Variants in CUL5 observed in about 807,000 individuals in gnomAD.
CUL5 encodes the protein cullin 5.
CUL5 carries 26 observed loss-of-function variants against 108.8 expected under a neutral mutation model. The observed-to-expected ratio is 0.24, with a 90% confidence interval of 0.18 to 0.33. The LOEUF (loss-of-function observed/expected upper bound fraction) is 0.33, where lower values mean the gene tolerates loss of function less well. Among genes scored for constraint, CUL5 ranks in the 10% least tolerant of loss-of-function variants. The pLI, the probability that CUL5 is intolerant of heterozygous loss-of-function variation, is 1.00. For missense variants in CUL5, 524 were observed against 909.2 expected, an observed-to-expected ratio of 0.58 and a Z score of 5.45; for synonymous variants, 334 against 298.0, an observed-to-expected ratio of 1.12 and a Z score of -1.25.
chr11:108,054,542 T>C (rs1246081410), intron 5 of CUL5, 105 bp from the exon 6 acceptor site: 2 of 733,266 alleles, frequency 2.7e-6, no homozygotes, highest in Non-Finnish European at 4.4e-6. Flanking sequence ...CTCTTGAGCA[T>C]TGTTACCTTG....
chr11:108,056,179 G>A (rs1313796021), intron 7 of CUL5, among the ~76,000 whole-genome samples: 1 of 152,216 alleles, frequency 6.6e-6, no homozygotes, highest in Non-Finnish European at 1.5e-5. Flanking sequence ...TATAAGGAAA[G>A]TTAGAATCTA....
Position 108,039,250 on chromosome 11 carries a change from C to T in CUL5, c.134+5339C>T, listed in dbSNP as rs1862826546. On this transcript the variant is annotated intron_variant, in intron 2 of 18. Coordinates refer to ENST00000393094, the MANE Select transcript of CUL5 (RefSeq NM_003478.6). ...GATCAGACTGGTCTTGAACTGCTGA[C>T]CTCAGGTGATCCACTCACCTTGGCC... Among the ~76,000 whole-genome samples, 4 of 152,074 alleles carry T rather than the reference C, an allele frequency of 2.6e-5. No homozygotes were observed. The South Asian group carries it at 8.3e-4, about 32-fold the overall frequency.
rs779672355 is a variant in CUL5, at chr11:108,095,005, T to G, written c.1743+18T>G. On this transcript the variant is annotated intron_variant, in intron 15 of 18. Coordinates refer to ENST00000393094, the MANE Select transcript of CUL5 (RefSeq NM_003478.6). ...ATGGAATTGTAAGTAGATAGTGTGTTAGTTATTTCAGCTTTCAGTTTGGAT... is the reference window on the plus strand; with the variant it reads ...ATGGAATTGTAAGTAGATAGTGTGTGAGTTATTTCAGCTTTCAGTTTGGAT... 6.3e-7 allele frequency: 1 copy of G among 1,580,582 alleles called. No individual in the cohort carries two copies. The highest frequency in any genetic ancestry group is 2.3e-5 in the East Asian group (1 of 44,188).
intron 1 of CUL5, among the ~76,000 whole-genome samples, chr11:108,013,790 C>T (rs937141111): frequency 1.3e-5 from 2 of 151,968 alleles, no homozygotes; most frequent in Non-Finnish European, 2.9e-5. Flanking sequence ...CTATAGAGGC[C>T]GGGCATGGTG....
rs1591343547 is a variant in CUL5, at chr11:108,107,559, T to C, written c.*3175T>C. 6.6e-6 allele frequency: 1 copy of C among 152,662 alleles called. No individual in the cohort carries two copies. The highest frequency in any genetic ancestry group is 1.9e-4 in the East Asian group (1 of 5,206). The allele number at this position is 152,662 out of a possible 1,614,324, so 9.5% of individuals were successfully genotyped here. ...TGTTGAACAAATTTATTTTAGTTTC[T>C]AAGTTGTAATCTATCCTCATATGGT... is the stretch of plus-strand genomic sequence containing the variant. On this transcript the variant is annotated 3_prime_UTR_variant, in exon 19 of 19. Transcript: ENST00000393094.
Position 108,087,446 on chromosome 11 carries a change from A to C in CUL5, c.1179-1081A>C, listed in dbSNP as rs571296591. ...CTTCAATTTAAATTTATTTACATAT[A>C]TTTTTAGAGAAGTAGGATTAAAAAA... is the stretch of plus-strand genomic sequence containing the variant. On this transcript the variant is annotated intron_variant, in intron 11 of 18. Coordinates refer to ENST00000393094, the MANE Select transcript of CUL5 (RefSeq NM_003478.6). Among the ~76,000 whole-genome samples the C allele has an allele frequency of 2.0e-5, 3 of 152,326 alleles. No homozygotes were observed. The East Asian group carries it at 5.8e-4, about 29-fold the overall frequency.
In CUL5 at chr11:108,104,882, A is replaced by C. The variant is rs1247309555; in HGVS notation, c.*498A>C. On this transcript the variant is annotated 3_prime_UTR_variant, in exon 19 of 19. Coordinates refer to ENST00000393094, the MANE Select transcript of CUL5 (RefSeq NM_003478.6). ...AAAAGAGTGAGCTGGTCAATGCAAC[A>C]TTGGGAAACGGCAGATGTAGGTGAG... 6.5e-6 allele frequency: 1 copy of C among 152,672 alleles called. No homozygotes were observed. Among genetic ancestry groups the C allele is most frequent in the East Asian group, 1.9e-4 (1 of 5,210 alleles). 9.5% of individuals were successfully genotyped at this position (152,672 alleles called of 1,614,324 possible).
intron 10 of CUL5, among the ~76,000 whole-genome samples, chr11:108,076,202 T>A (rs1308898189): frequency 6.6e-6 from 1 of 151,984 alleles, no homozygotes; most frequent in Non-Finnish European, 1.5e-5. Flanking sequence ...TTGGCTAATT[T>A]GTAATTTTTT....
intron 1 of CUL5, among the ~76,000 whole-genome samples, chr11:108,031,669 C>T (rs1862586584): frequency 6.6e-6 from 1 of 152,128 alleles, no homozygotes; most frequent in Non-Finnish European, 1.5e-5. Flanking sequence ...ATATCAGTAC[C>T]ATGATGTTTT....
At chr11:108,012,049 A>C (rs1862069114) in intron 1 of CUL5, among the ~76,000 whole-genome samples, 1 of 152,222 alleles carries the variant, frequency 6.6e-6, no homozygotes, top group South Asian at 2.1e-4. Context: ...ACATTTTGAC[A>C]TATACAGTTA....
At chr11:108,045,597 T>C (rs1863045823) in intron 2 of CUL5, among the ~76,000 whole-genome samples, 1 of 151,984 alleles carries the variant, frequency 6.6e-6, no homozygotes, top group African/African-American at 2.4e-5. Context: ...GCATGGTGGC[T>C]AACACTTTTA....
intron 4 of CUL5, among the ~76,000 whole-genome samples, chr11:108,051,961 C>G (rs1863237252): frequency 1.3e-5 from 2 of 152,042 alleles, no homozygotes; most frequent in African/African-American, 4.8e-5. Flanking sequence ...AACACTTGTT[C>G]TTTATTTACT....
At chr11:108,086,011 T>A (rs1210398932) in intron 11 of CUL5, among the ~76,000 whole-genome samples, 1 of 152,202 alleles carries the variant, frequency 6.6e-6, no homozygotes, top group Non-Finnish European at 1.5e-5. Flanking sequence ...AATGAAGATA[T>A]AATACATATT....
chr11:108,042,764 C>A (rs541890156), intron 2 of CUL5, among the ~76,000 whole-genome samples: 2 of 150,576 alleles, frequency 1.3e-5, no homozygotes, highest in Admixed American at 6.6e-5. Flanking sequence ...CTATCAGTTT[C>A]TTTTTTTTTC....
In CUL5 at chr11:108,033,849, G is replaced by C. The variant is rs373067331; in HGVS notation, c.72G>C (p.Pro24=). 1 of 1,612,778 alleles carries C rather than the reference G, an allele frequency of 6.2e-7. No homozygotes were observed. Among genetic ancestry groups the C allele is most frequent in the Admixed American group, 1.7e-5 (1 of 59,862 alleles). The change falls in exon 2 of 19, where the codon CCG becomes CCC. Residue 24 remains proline (P), a synonymous_variant. Coordinates refer to ENST00000393094, the MANE Select transcript of CUL5 (RefSeq NM_003478.6). ...AAGACAAATGGGATTTTATGCGCCC[G>C]ATTGTTTTGAAGCTTTTACGCCAGG... ...QFEDKWDFMR[P]IVLKLLRQES...
At chr11:108,093,881 T>C (rs1033318328) in intron 13 of CUL5, among the ~76,000 whole-genome samples, 3 of 152,182 alleles carry the variant, frequency 2.0e-5, no homozygotes, top group African/African-American at 7.2e-5. Context: ...TAAAATTTTT[T>C]TGTAGTGATG....
At chr11:108,094,739 A>T in intron 14 of CUL5, 73 bp from the exon 15 acceptor site, 1 of 1,226,730 alleles carries the variant, frequency 8.2e-7, no homozygotes, top group Non-Finnish European at 1.1e-6. Context: ...TTTTCACCCA[A>T]AGTTACCCTG....
At chr11:108,075,814 CT>C (rs1348129566) in intron 10 of CUL5, among the ~76,000 whole-genome samples, 9 of 152,196 alleles carry the variant, frequency 5.9e-5, no homozygotes, top group Non-Finnish European at 5.9e-5. Context: ...GCCACCACCC[CT>C]GGCCCCCTTT....
Position 108,105,852 on chromosome 11 carries a change from G to C in CUL5, c.*1468G>C, listed in dbSNP as rs188854772. Reference sequence around the variant, plus strand: ...GATAGTAGGAAATGGAGTACAGAAAGGCATACAGTATTATGTTACAGTGGA... The same window carrying C: ...GATAGTAGGAAATGGAGTACAGAAACGCATACAGTATTATGTTACAGTGGA... On this transcript the variant is annotated 3_prime_UTR_variant, in exon 19 of 19. Coordinates refer to ENST00000393094, the MANE Select transcript of CUL5 (RefSeq NM_003478.6). The C allele has an allele frequency of 5.5e-4, 83 of 152,248 alleles. No homozygotes were observed. The East Asian group carries it at 0.014, about 26-fold the overall frequency. The allele number at this position is 152,248 out of a possible 1,614,324, so 9.4% of individuals were successfully genotyped here.
Sources: allele counts gnomAD v4.1 joint callset (sites outside exome capture counted in the v4.1 genomes callset), GRCh38; gene constraint gnomAD v4.1.1; transcripts MANE v1.5; gene names NCBI Gene and HGNC (gene_info 2026-07-23, HGNC 2026-07-21).